UBAC2: variants seen among roughly 807,000 people sequenced by gnomAD.
UBAC2 encodes the protein ubiquitin-associated domain-containing protein 2.
Under a neutral mutation model 44.0 loss-of-function variants are expected in UBAC2, and 26 were observed. That is an observed-to-expected ratio of 0.59 (90% CI 0.43 to 0.82). UBAC2 has a LOEUF of 0.82. UBAC2 is among the 40% of genes least tolerant of loss of function. The pLI, the probability that UBAC2 is intolerant of heterozygous loss-of-function variation, is 0.00. For synonymous variants in UBAC2, 155 were observed against 154.3 expected, an observed-to-expected ratio of 1.00 and a Z score of -0.04; for missense variants, 329 against 419.4, an observed-to-expected ratio of 0.78 and a Z score of 1.88.
intron 4 of UBAC2, among the ~76,000 whole-genome samples, chr13:99,276,796 A>G (rs1014846989): frequency 1.3e-5 from 2 of 152,362 alleles, no homozygotes; most frequent in East Asian, 1.9e-4. Context: ...GGGGCTCATT[A>G]TGAAGAAGAA....
intron 1 of UBAC2, among the ~76,000 whole-genome samples, chr13:99,225,125 A>ATTTAG (rs1488377318): frequency 6.6e-6 from 1 of 152,140 alleles, no homozygotes; most frequent in Non-Finnish European, 1.5e-5. Context: ...ATTTGCTTAT[A>ATTTAG]TTTAGTTTTA....
intron 1 of UBAC2, among the ~76,000 whole-genome samples, chr13:99,222,373 A>G (rs1293990708): frequency 1.3e-5 from 2 of 152,228 alleles, no homozygotes; most frequent in Non-Finnish European, 2.9e-5. Context: ...TAACAGGCAC[A>G]TAGGCCCTGT....
rs190981769 is a variant in UBAC2, at chr13:99,264,570, A to T, written c.389+19946A>T. 1.2e-4 allele frequency among the ~76,000 whole-genome samples: 19 copies of T among 152,218 alleles called. No homozygotes were observed. The East Asian group carries it at 3.7e-3, about 29-fold the overall frequency. ...GGACTGGATAGCTGTGCAGGAGCCC[A>T]GCATGTGCCACTAACTGACCAGGTT... is the stretch of plus-strand genomic sequence containing the variant. On this transcript the variant is annotated intron_variant, in intron 4 of 8. Coordinates refer to ENST00000403766, the MANE Select transcript of UBAC2 (RefSeq NM_001144072.2).
At chr13:99,248,543 G>A (rs762540403) in intron 4 of UBAC2, among the ~76,000 whole-genome samples, 4 of 152,088 alleles carry the variant, frequency 2.6e-5, no homozygotes, top group Non-Finnish European at 5.9e-5. Flanking sequence ...CACCATGCCT[G>A]GCTATTTTTT....
At chr13:99,339,232 A>C (rs1035456413) in intron 6 of UBAC2, among the ~76,000 whole-genome samples, 1 of 152,154 alleles carries the variant, frequency 6.6e-6, no homozygotes, top group African/African-American at 2.4e-5. Context: ...CCAGTTCATC[A>C]AGTCACGGGC....
intron 1 of UBAC2, among the ~76,000 whole-genome samples, chr13:99,223,638 C>T (rs563969265): frequency 4.7e-5 from 7 of 147,938 alleles, no homozygotes; most frequent in Admixed American, 4.1e-4. Flanking sequence ...CTACATTTTC[C>T]CCTCTAAGCA....
intron 7 of UBAC2, among the ~76,000 whole-genome samples, chr13:99,351,004 G>GT (rs1016653471): frequency 1.3e-5 from 2 of 152,152 alleles, no homozygotes; most frequent in African/African-American, 4.8e-5. Flanking sequence ...GAAGAAAACA[G>GT]TGTTGTTTTT....
At chr13:99,306,010 C>T (rs11839408) in intron 4 of UBAC2, among the ~76,000 whole-genome samples, 168 of 152,224 alleles carry the variant, frequency 1.1e-3, no homozygotes, top group African/African-American at 3.9e-3. Context: ...ATTCTCCTGC[C>T]TCACCCTCTT....
At chr13:99,263,356 A>G (rs1162692393) in intron 4 of UBAC2, among the ~76,000 whole-genome samples, 1 of 152,256 alleles carries the variant, frequency 6.6e-6, no homozygotes, top group African/African-American at 2.4e-5. Flanking sequence ...AGACTTGAAC[A>G]AGCACTTAAG....
At chr13:99,201,896 C>T (rs1036155361) in intron 1 of UBAC2, among the ~76,000 whole-genome samples, 3 of 151,874 alleles carry the variant, frequency 2.0e-5, no homozygotes, top group Non-Finnish European at 4.4e-5. Context: ...ACGGTGAAAC[C>T]CCGTCTCTCT....
rs1015348325 is a variant in UBAC2, at chr13:99,355,319, C to A, written c.808-12468C>A. Among the ~76,000 whole-genome samples the A allele has an allele frequency of 5.3e-5, 8 of 152,320 alleles. No individual in the cohort carries two copies. In the South Asian group the frequency reaches 6.2e-4, roughly 12 times the overall value. On this transcript the variant is annotated intron_variant, in intron 7 of 8. Transcript: ENST00000403766. ...AATATACGATGCAGAAATGGATAAT[C>A]CACACTCTGAGAGATGCACTTCCAT...
chr13:99,221,405 ATTTG>A (rs959364296), intron 1 of UBAC2, among the ~76,000 whole-genome samples: 1 of 152,146 alleles, frequency 6.6e-6, no homozygotes, highest in African/African-American at 2.4e-5. Context: ...GAAGGTGAAA[ATTTG>A]TTTGAACCGT....
At chr13:99,377,925 CT>C (rs1402661679) in intron 8 of UBAC2, among the ~76,000 whole-genome samples, 3 of 152,252 alleles carry the variant, frequency 2.0e-5, no homozygotes, top group Non-Finnish European at 4.4e-5. Context: ...TCGGGTCTCC[CT>C]GCCACCCTGC....
chr13:99,340,465 G>T lies in UBAC2; in HGVS notation c.707G>T (p.Gly236Val). Reference protein sequence around the residue: ...EPTSEARIGMGATLDIQRQQR... With the variant: ...EPTSEARIGMVATLDIQRQQR... Reference sequence around the variant, plus strand: ...ACCAGCGAAGCCAGAATTGGGATGGGAGCCACGCTGGACATCCAGAGACAG... The same window carrying T: ...ACCAGCGAAGCCAGAATTGGGATGGTAGCCACGCTGGACATCCAGAGACAG... The change falls in exon 7 of 9, where the codon GGA (glycine) becomes GTA (valine). Residue 236 changes from glycine (G) to valine (V), a missense_variant. Gly to Val is a moderately radical substitution (Grantham distance 109). Transcript: ENST00000403766. 1 of 1,614,178 alleles carries T rather than the reference G, an allele frequency of 6.2e-7. No individual in the cohort carries two copies. Among genetic ancestry groups the T allele is most frequent in the Non-Finnish European group, 8.5e-7 (1 of 1,180,046 alleles).
intron 4 of UBAC2, among the ~76,000 whole-genome samples, chr13:99,247,369 CA>C (rs2043399092): frequency 6.7e-6 from 1 of 148,246 alleles, no homozygotes; most frequent in South Asian, 2.1e-4. Flanking sequence ...CGCCCGCTAC[CA>C]CGCCCGGCTA....
At chr13:99,289,025 C>T (rs766114459) in intron 4 of UBAC2, among the ~76,000 whole-genome samples, 11 of 152,174 alleles carry the variant, frequency 7.2e-5, no homozygotes, top group African/African-American at 1.4e-4. Context: ...ATAGACCGTA[C>T]GATGGCTGGC....
intron 7 of UBAC2, among the ~76,000 whole-genome samples, chr13:99,355,304 G>A (rs1594163604): frequency 6.6e-6 from 1 of 152,228 alleles, no homozygotes; most frequent in Admixed American, 6.5e-5. Flanking sequence ...AATATACGAT[G>A]CAGAAATGGA....
At chr13:99,278,154 G>T (rs1199193424) in intron 4 of UBAC2, among the ~76,000 whole-genome samples, 2 of 152,020 alleles carry the variant, frequency 1.3e-5, no homozygotes, top group Non-Finnish European at 2.9e-5. Flanking sequence ...ATTATTCTGT[G>T]GATTAATTTG....
chr13:99,247,406 G>T (rs1171672515), intron 4 of UBAC2, among the ~76,000 whole-genome samples: 1 of 151,554 alleles, frequency 6.6e-6, no homozygotes, highest in Non-Finnish European at 1.5e-5. Flanking sequence ...AGTAGAGACG[G>T]GGTTTCACCG....
Sources: gnomAD v4.1 joint callset for allele counts (sites outside exome capture counted in the v4.1 genomes callset) on GRCh38, gnomAD v4.1.1 for gene constraint, MANE v1.5 for transcripts, NCBI Gene and HGNC (gene_info 2026-07-23, HGNC 2026-07-21) for gene names.